POTEC: variants seen among roughly 807,000 people sequenced by gnomAD.
The protein encoded by POTEC is ANKRD26-like family B member 2.
A neutral mutation model predicts 62.0 loss-of-function variants in POTEC; 35 were observed. The observed-to-expected ratio is 0.56, with a 90% CI of 0.43 to 0.75. POTEC has a LOEUF of 0.75. Ranked by LOEUF, POTEC falls within the 30% of genes least tolerant of loss-of-function variation. The pLI is 0.00. For missense variants in POTEC, 472 were observed against 655.9 expected (o/e 0.72, Z 3.06); for synonymous variants, 156 against 221.5 (o/e 0.70, Z 2.62).
chr18:14,513,487 C>CATT (rs1308996577), intron 10 of POTEC, among the ~76,000 whole-genome samples, 175 bp downstream of exon 10: 1 of 151,824 alleles, frequency 6.6e-6, no homozygotes, highest in Non-Finnish European at 1.5e-5. Context: ...CCTATATGTA[C>CATT]ATATATAGAT....
At chr18:14,531,374 T>A (rs1016351612) in intron 5 of POTEC, among the ~76,000 whole-genome samples, 1 of 151,792 alleles carries the variant, frequency 6.6e-6, no homozygotes, top group African/African-American at 2.4e-5. Flanking sequence ...TTTGTTAGGA[T>A]AATGCTTTAT....
intron 1 of POTEC, among the ~76,000 whole-genome samples, chr18:14,540,212 G>C: frequency 6.6e-6 from 1 of 151,650 alleles, no homozygotes; most frequent in East Asian, 1.9e-4. Flanking sequence ...TTCTGAAGAG[G>C]GTAAAAGTTC....
At chr18:14,523,865 T>C (rs927760625) in intron 7 of POTEC, among the ~76,000 whole-genome samples, 9 of 152,074 alleles carry the variant, frequency 5.9e-5, no homozygotes, top group African/African-American at 1.9e-4. Context: ...AAAAATGAAT[T>C]AGCAGATGAT....
chr18:14,519,326 T>C (rs904492605), intron 9 of POTEC, among the ~76,000 whole-genome samples: 15 of 152,184 alleles, frequency 9.9e-5, no homozygotes, highest in African/African-American at 3.4e-4. Context: ...CAAATAGAGA[T>C]GTCAAGTAGG....
intron 3 of POTEC, among the ~76,000 whole-genome samples, chr18:14,536,311 A>G (rs57235605): frequency 0.034 from 5,115 of 148,586 alleles, 335 homozygotes; most frequent in African/African-American, 0.12. Context: ...TCTTCTAGAA[A>G]TATCTGAAGT....
intron 9 of POTEC, among the ~76,000 whole-genome samples, chr18:14,516,663 T>TGC (rs1555622971): frequency 1.2e-4 from 16 of 136,768 alleles, no homozygotes; most frequent in African/African-American, 4.6e-4. Context: ...GCCAAACTAC[T>TGC]GGGGGGGGGT....
chr18:14,513,319 CA>C (rs1243190990), intron 10 of POTEC, among the ~76,000 whole-genome samples: 1 of 152,176 alleles, frequency 6.6e-6, no homozygotes, highest in Non-Finnish European at 1.5e-5. Flanking sequence ...CCAAAACTAG[CA>C]AATCTGTTGT....
rs1567915397 is a variant in POTEC, at chr18:14,537,195, ACACACACACACACAC to A, written c.810+591_810+605del. Among the ~76,000 whole-genome samples the A allele has an allele frequency of 1.7e-4, 14 of 82,076 alleles. No homozygotes were observed. In the South Asian group the frequency reaches 1.7e-3, roughly 10 times the overall value. 53.8% of individuals were successfully genotyped at this position (82,076 alleles called of 152,430 possible). The stretch of plus-strand genomic sequence containing the variant: ...ACAACACACACACACACACACACAC[ACACACACACACACAC>A]AAAAAAAAAAAAAAACAAAAAAAAA... On this transcript the variant is annotated intron_variant, in intron 3 of 10. Coordinates refer to ENST00000358970, the MANE Select transcript of POTEC (RefSeq NM_001137671.2).
intron 6 of POTEC, 95 bp downstream of exon 6, chr18:14,530,388 A>G (rs1905467015): frequency 1.3e-6 from 2 of 1,577,908 alleles, no homozygotes; most frequent in Admixed American, 1.7e-5. Flanking sequence ...ACCTTCCCCC[A>G]GCCCATGGAA....
At chr18:14,515,433 C>T (rs1189310043) in intron 9 of POTEC, among the ~76,000 whole-genome samples, 2 of 152,010 alleles carry the variant, frequency 1.3e-5, no homozygotes, top group African/African-American at 4.8e-5. Context: ...GATACAAAAA[C>T]ATACACTGGA....
At chr18:14,522,142 G>A in intron 9 of POTEC, 112 bp downstream of exon 9, 2 of 1,450,406 alleles carry the variant, frequency 1.4e-6, no homozygotes. Context: ...TAACAGGCAA[G>A]GCTGAATATT....
chr18:14,535,696 T>C (rs531887620), intron 3 of POTEC, among the ~76,000 whole-genome samples: 1 of 152,038 alleles, frequency 6.6e-6, no homozygotes, highest in Non-Finnish European at 1.5e-5. Context: ...TACTGGATAA[T>C]ACAGCTTCAA....
intron 9 of POTEC, among the ~76,000 whole-genome samples, chr18:14,514,367 C>T (rs1255244577): frequency 6.6e-6 from 1 of 151,876 alleles, no homozygotes; most frequent in Non-Finnish European, 1.5e-5. Context: ...CACTTGCTCC[C>T]TACCACTAAC....
intron 9 of POTEC, 41 bp from the exon 10 acceptor site, chr18:14,513,826 C>A (rs904668151): frequency 6.2e-7 from 1 of 1,601,628 alleles, no homozygotes; most frequent in Non-Finnish European, 8.5e-7. Flanking sequence ...TGGAGGTGTC[C>A]CTAAAATGAT....
chr18:14,540,001 C>G (rs1329753321), intron 1 of POTEC, among the ~76,000 whole-genome samples: 2 of 152,108 alleles, frequency 1.3e-5, no homozygotes, highest in Non-Finnish European at 2.9e-5. Flanking sequence ...TAAAAGAAAA[C>G]TCCTGTTGAG....
At chr18:14,513,300 A>G (rs1337525744) in intron 10 of POTEC, among the ~76,000 whole-genome samples, 1 of 152,204 alleles carries the variant, frequency 6.6e-6, no homozygotes, top group Admixed American at 6.5e-5. Flanking sequence ...TTTAAAAAGA[A>G]CGAATGTCCC....
chr18:14,514,264 C>A (rs1268341917), intron 9 of POTEC, among the ~76,000 whole-genome samples: 1 of 151,728 alleles, frequency 6.6e-6, no homozygotes, highest in African/African-American at 2.4e-5. Context: ...AGTCACACTC[C>A]TATGACAATC....
At position 14,543,137 on chromosome 18, in the gene POTEC, C is replaced by T. The variant is rs761147039; in HGVS notation, c.10G>A (p.Glu4Lys). Reference protein sequence around the residue: MVTEVCSMPAASAV... With the variant: MVTKVCSMPAASAV... ...GAGGCAGCGGGCATTGAACAAACCT[C>T]AGTCACCATCTGCTTTTAACAGCCC... The change falls in exon 1 of 11, where the codon GAG (glutamate) becomes AAG (lysine). Residue 4 changes from glutamate (E) to lysine (K), a missense_variant. Coordinates refer to ENST00000358970, the MANE Select transcript of POTEC (RefSeq NM_001137671.2). 5.0e-5 allele frequency: 80 copies of T among 1,613,780 alleles called. No individual in the cohort carries two copies. The highest frequency in any genetic ancestry group is 6.4e-5 in the Non-Finnish European group (76 of 1,179,872).
intron 10 of POTEC, among the ~76,000 whole-genome samples, chr18:14,513,075 G>A (rs1311746606): frequency 6.6e-6 from 1 of 152,094 alleles, no homozygotes; most frequent in Admixed American, 6.6e-5. Context: ...ATTCATCTGG[G>A]AACAAAATAC....
Sources: allele counts gnomAD v4.1 joint callset (sites outside exome capture counted in the v4.1 genomes callset), GRCh38; gene constraint gnomAD v4.1.1; transcripts MANE v1.5; gene names NCBI Gene and HGNC (gene_info 2026-07-23, HGNC 2026-07-21).